MUS81: variants seen among roughly 807,000 people sequenced by gnomAD.
MUS81 encodes the protein MUS81 structure-specific endonuclease subunit.
In MUS81, 69 loss-of-function variants were observed where a neutral mutation model predicts 74.2. The ratio of observed to expected loss-of-function variants is 0.93; its 90% confidence interval spans 0.77 to 1.14. The LOEUF is 1.14. Among genes scored for constraint, MUS81 ranks in the 50% most tolerant of loss-of-function variants. The pLI is 0.00. For missense variants in MUS81, 711 were observed against 726.5 expected (o/e 0.98, Z 0.25); for synonymous variants, 303 against 300.6 (o/e 1.01, Z -0.08).
downstream of MUS81, chr11:65,867,368 G>A (rs1035445004): frequency 1.3e-5 from 7 of 527,350 alleles, no homozygotes; most frequent in African/African-American, 1.3e-4. Context: ...TGGGACTGGT[G>A]GGACCTTTGG....
rs2134741387 is a variant in MUS81, at chr11:65,865,894, G to A, written c.1589G>A (p.Arg530Lys). Residue 530 changes from arginine (R) to lysine (K), a missense_variant and splice_region_variant, in exon 15 of 16, where the codon AGG becomes AAG. Arg to Lys is a conservative substitution (Grantham distance 26). Coordinates refer to ENST00000308110, the MANE Select transcript of MUS81 (RefSeq NM_025128.5). ...ACCATTAAGTGTGGGCGTCTACAGA[G>A]GTGAGGGCAAGAGACGGAACCTGGA... is the stretch of plus-strand genomic sequence containing the variant. ...LSTIKCGRLQ[R>K]NLGPALSRTL... 3 of 1,614,152 alleles carry A rather than the reference G, an allele frequency of 1.9e-6. No homozygotes were observed. The highest frequency in any genetic ancestry group is 2.7e-5 in the African/African-American group (2 of 75,028).
At chr11:65,860,021 A>C (rs569716900), upstream of MUS81, 7 of 266,706 alleles carry the variant, frequency 2.6e-5, no homozygotes, top group Non-Finnish European at 4.8e-5. Flanking sequence ...GACCCCCGAC[A>C]TTCCGAGTTC....
In MUS81 at chr11:65,863,885, G is replaced by GCTAC. The variant is rs1484645018; in HGVS notation, c.1045_1046insACCT (p.Phe349TyrfsTer34). 1 of 1,614,106 alleles carries GCTAC rather than the reference G, an allele frequency of 6.2e-7. No homozygotes were observed. The highest frequency in any genetic ancestry group is 1.7e-5 in the Admixed American group (1 of 60,026). On this transcript the variant is annotated frameshift_variant, in exon 10 of 16. Coordinates refer to ENST00000308110, the MANE Select transcript of MUS81 (RefSeq NM_025128.5). LOFTEE classifies it high-confidence loss of function. Reference sequence around the variant, plus strand: ...CTTTGCAGCAGCATCATCGACGGCCGCTTCCGGGAGCAGAAGGTAATTTTG... The same window carrying GCTAC: ...CTTTGCAGCAGCATCATCGACGGCCGCTACCTTCCGGGAGCAGAAGGTAATTTTG...
At chr11:65,867,216 G>A (rs907543044), downstream of MUS81, 1 of 996,388 alleles carries the variant, frequency 1.0e-6, no homozygotes, top group Non-Finnish European at 1.5e-6. Context: ...AGCCTCTCAT[G>A]CAGCTCTTTG....
At position 65,861,404 on chromosome 11, in the gene MUS81, G is replaced by A. The variant is rs368564921; in HGVS notation, c.320G>A (p.Arg107Gln). The part of the protein sequence containing the change: ...SGENSPAPQG[R>Q]LAEVQDSSMP... ...GAGAACAGTCCAGCCCCGCAGGGGC[G>A]ACTTGCGGAAGTCCAGGACTCTTCC... Residue 107 changes from arginine (R) to glutamine (Q), a missense_variant, in exon 3 of 16, where the codon CGA becomes CAA. By Grantham distance (43) the Arg-to-Gln change is conservative. Coordinates refer to ENST00000308110, the MANE Select transcript of MUS81 (RefSeq NM_025128.5). 190 of 1,604,902 alleles carry A rather than the reference G, an allele frequency of 1.2e-4. No homozygotes were observed. The highest frequency in any genetic ancestry group is 1.6e-4 in the Non-Finnish European group (184 of 1,174,950).
At chr11:65,863,378 T>C in intron 7 of MUS81, 32 bp from the exon 8 acceptor site, 1 of 1,612,916 alleles carries the variant, frequency 6.2e-7, no homozygotes, top group East Asian at 2.2e-5. Context: ...CACAAGGGGT[T>C]CTGGCCTCAC....
downstream of MUS81, chr11:65,867,034 TCAC>T: frequency 6.2e-7 from 1 of 1,614,110 alleles, no homozygotes; most frequent in Non-Finnish European, 8.5e-7. Flanking sequence ...CGGGGGCCCG[TCAC>T]CGGCCGGGCG....
intron 3 of MUS81, 43 bp downstream of exon 3, chr11:65,861,478 G>C (rs1417299401): frequency 1.3e-5 from 20 of 1,521,006 alleles, no homozygotes; most frequent in Non-Finnish European, 1.7e-5. Flanking sequence ...GTGGGAGTGC[G>C]GGAGTATGAT....
At chr11:65,866,727 A>G (rs1454190041), downstream of MUS81, 1 of 750,482 alleles carries the variant, frequency 1.3e-6, no homozygotes, top group Admixed American at 2.0e-5. Flanking sequence ...ACATATAGAG[A>G]CCCCCATTTA....
intron 8 of MUS81, 48 bp from the exon 9 acceptor site, chr11:65,863,552 G>A (rs1352495380): frequency 5.6e-6 from 9 of 1,613,960 alleles, no homozygotes; most frequent in Non-Finnish European, 7.6e-6. Flanking sequence ...AGGCTGGGGG[G>A]TAGGCACTGC....
At position 65,864,546 on chromosome 11, in the gene MUS81, A is replaced by C; in HGVS notation, c.1109A>C (p.Glu370Ala). The change falls in exon 11 of 16, where the codon GAG becomes GCG. Residue 370 changes from glutamate to alanine, a missense_variant. Coordinates refer to ENST00000308110, the MANE Select transcript of MUS81 (RefSeq NM_025128.5). ...GAGCGCCGGGTATACCTGGTGGAAGAGCATGGTTCCGTCCACAACCTCAGC... is the reference window on the plus strand; with the variant it reads ...GAGCGCCGGGTATACCTGGTGGAAGCGCATGGTTCCGTCCACAACCTCAGC... Reference protein sequence around the residue: ...GLERRVYLVEEHGSVHNLSLP... With the variant: ...GLERRVYLVEAHGSVHNLSLP... The C allele has an allele frequency of 6.2e-7, 1 of 1,614,134 alleles. No individual in the cohort carries two copies. Among genetic ancestry groups the C allele is most frequent in the Non-Finnish European group, 8.5e-7 (1 of 1,180,026 alleles).
At chr11:65,864,687 G>A (rs1859749182) in intron 11 of MUS81, 33 bp from the exon 12 acceptor site, 5 of 1,613,052 alleles carry the variant, frequency 3.1e-6, no homozygotes, top group Non-Finnish European at 4.2e-6. Flanking sequence ...TAGGCCAGGA[G>A]CCACCTTCCC....
rs1859623364 is a variant in MUS81, at chr11:65,861,980, A to C, written c.385A>C (p.Ser129Arg). The change falls in exon 4 of 16, where the codon AGC (serine) becomes CGC (arginine). Residue 129 changes from serine to arginine, a missense_variant. By Grantham distance (110) the Ser-to-Arg change is moderately radical. Coordinates refer to ENST00000308110, the MANE Select transcript of MUS81 (RefSeq NM_025128.5). ...CCAGCCCAAAGCGGGAGGCTCTGGC[A>C]GCTACTGGCCAGCTCGGCACTCAGG... ...PAQPKAGGSG[S>R]YWPARHSGAR... The C allele has an allele frequency of 6.2e-7, 1 of 1,611,710 alleles. No individual in the cohort carries two copies. Among genetic ancestry groups the C allele is most frequent in the Non-Finnish European group, 8.5e-7 (1 of 1,179,268 alleles).
chr11:65,862,633 G>GA, intron 6 of MUS81, 104 bp downstream of exon 6: 2 of 1,108,728 alleles, frequency 1.8e-6, no homozygotes, highest in African/African-American at 1.5e-5. Context: ...AGATTGGGGG[G>GA]GGTGGGCCTT....
intron 1 of MUS81, 36 bp from the exon 2 acceptor site, chr11:65,860,930 GTCAGGCC>G (rs763789663): frequency 6.2e-7 from 1 of 1,607,514 alleles, no homozygotes. Flanking sequence ...TGCTGGCCAG[GTCAGGCC>G]TGCCCTGACC....
intron 12 of MUS81, 21 bp downstream of exon 12, chr11:65,864,836 C>T: frequency 6.2e-7 from 1 of 1,607,266 alleles, no homozygotes; most frequent in African/African-American, 1.3e-5. Flanking sequence ...GCCCCTTTCC[C>T]AGTGTCGGGA....
In MUS81 at chr11:65,863,491, C is replaced by G; in HGVS notation, c.828C>G (p.Gly276=). The G allele has an allele frequency of 6.2e-7, 1 of 1,613,960 alleles. No individual in the cohort carries two copies. Among genetic ancestry groups the G allele is most frequent in the Middle Eastern group, 1.6e-4 (1 of 6,062 alleles). The part of the protein sequence containing the change: ...EYRVLLCVDI[G]ETRGGGHRPE... ...GGGTGCTGTTGTGTGTGGACATTGG[C>G]GAGACCCGGGGGTGAGTGAGGTGGG... The change falls in exon 8 of 16, where the codon GGC becomes GGG. Residue 276 remains glycine, a synonymous_variant. Coordinates refer to ENST00000308110, the MANE Select transcript of MUS81 (RefSeq NM_025128.5).
chr11:65,862,853 T>C (rs1336825730), intron 6 of MUS81, among the ~76,000 whole-genome samples: 1 of 152,210 alleles, frequency 6.6e-6, no homozygotes, highest in East Asian at 1.9e-4. Flanking sequence ...GGAAATTGTC[T>C]GAGACACACT....
At chr11:65,860,333 G>C (rs766232417), upstream of MUS81, 1 of 468,166 alleles carries the variant, frequency 2.1e-6, no homozygotes, top group South Asian at 1.5e-5. Context: ...CCAAGCTCAG[G>C]TTAGTCCGTT....
Sources: gnomAD v4.1 joint callset for allele counts (sites outside exome capture counted in the v4.1 genomes callset) on GRCh38, gnomAD v4.1.1 for gene constraint, MANE v1.5 for transcripts, NCBI Gene and HGNC (gene_info 2026-07-23, HGNC 2026-07-21) for gene names.